PPP6R3: variants seen among roughly 807,000 people sequenced by gnomAD.
PPP6R3 encodes the protein protein phosphatase 6 regulatory subunit 3, also known as serine/threonine-protein phosphatase 6 regulatory subunit 3.
Under a neutral mutation model 110.7 loss-of-function variants are expected in PPP6R3, and 38 were observed. The ratio of observed to expected loss-of-function variants is 0.34; its 90% CI spans 0.26 to 0.45. The LOEUF is 0.45. Ranked by LOEUF, PPP6R3 falls within the 20% of genes least tolerant of loss-of-function variation. PPP6R3 has a pLI of 1.00. For synonymous variants in PPP6R3, 369 were observed against 373.5 expected (o/e 0.99, Z 0.14); for missense variants, 870 against 1,062.4 (o/e 0.82, Z 2.52).
At chr11:68,603,692 T>C (rs116724579) in intron 22 of PPP6R3, among the ~76,000 whole-genome samples, 200 bp downstream of exon 22, 102 of 152,348 alleles carry the variant, frequency 6.7e-4, no homozygotes, top group African/African-American at 2.4e-3. Flanking sequence ...TTTTCCCCCA[T>C]AAATGTGTTC....
chr11:68,606,355 A>T (rs1939862956), intron 22 of PPP6R3, among the ~76,000 whole-genome samples: 1 of 137,624 alleles, frequency 7.3e-6, no homozygotes, highest in South Asian at 2.3e-4. Flanking sequence ...GAGTGCAGTG[A>T]TGTGGATCTC....
intron 22 of PPP6R3, among the ~76,000 whole-genome samples, chr11:68,609,092 T>C (rs761701946): frequency 6.6e-6 from 1 of 152,138 alleles, no homozygotes; most frequent in Non-Finnish European, 1.5e-5. Flanking sequence ...GCCATTGTGA[T>C]TATGTAAAAA....
chr11:68,602,690 C>T (rs138579910), intron 21 of PPP6R3, among the ~76,000 whole-genome samples: 72 of 152,310 alleles, frequency 4.7e-4, no homozygotes, highest in Non-Finnish European at 8.2e-4. Flanking sequence ...GTTTCATCAT[C>T]CTCCTGAACA....
At chr11:68,553,210 C>G (rs2099387534) in intron 6 of PPP6R3, among the ~76,000 whole-genome samples, 1 of 151,600 alleles carries the variant, frequency 6.6e-6, no homozygotes, top group South Asian at 2.1e-4. Context: ...GATTTTAGAG[C>G]TTTTCTGTAA....
intron 1 of PPP6R3, among the ~76,000 whole-genome samples, chr11:68,479,132 TAC>T (rs1353549005): frequency 1.3e-5 from 2 of 152,232 alleles, no homozygotes; most frequent in African/African-American, 4.8e-5. Context: ...ATCATATTCT[TAC>T]GATTATTCAC....
intron 1 of PPP6R3, among the ~76,000 whole-genome samples, chr11:68,485,492 A>G (rs186917558): frequency 5.7e-4 from 87 of 152,290 alleles, no homozygotes; most frequent in African/African-American, 2.0e-3. Context: ...ATTTCTGACC[A>G]TCAATTATGA....
intron 1 of PPP6R3, among the ~76,000 whole-genome samples, chr11:68,482,716 T>C (rs920092675): frequency 2.0e-5 from 3 of 152,144 alleles, no homozygotes; most frequent in Non-Finnish European, 2.9e-5. Context: ...AAAAAAATTA[T>C]AGAGAAGGCT....
chr11:68,490,664 T>C (rs1306844426), intron 1 of PPP6R3, among the ~76,000 whole-genome samples: 1 of 152,152 alleles, frequency 6.6e-6, no homozygotes, highest in Non-Finnish European at 1.5e-5. Flanking sequence ...TCTTTCCTTT[T>C]CAGTTACGGA....
At chr11:68,476,004 T>A (rs1216126574) in intron 1 of PPP6R3, among the ~76,000 whole-genome samples, 1 of 134,222 alleles carries the variant, frequency 7.5e-6, no homozygotes, top group Non-Finnish European at 1.6e-5. Flanking sequence ...GAGGGGCTCT[T>A]CTCATCCCAG....
chr11:68,515,666 T>C (rs2099132946), intron 1 of PPP6R3, among the ~76,000 whole-genome samples: 1 of 152,194 alleles, frequency 6.6e-6, no homozygotes, highest in Non-Finnish European at 1.5e-5. Context: ...AACATGGCCT[T>C]TCCTTGGGTT....
intron 1 of PPP6R3, among the ~76,000 whole-genome samples, chr11:68,461,366 G>A (rs552911004): frequency 1.3e-5 from 2 of 151,956 alleles, no homozygotes; most frequent in Non-Finnish European, 2.9e-5. Flanking sequence ...ATTCGCCGCA[G>A]AGTCATCGGG....
intron 8 of PPP6R3, among the ~76,000 whole-genome samples, chr11:68,562,330 G>T (rs1057010445): frequency 2.6e-5 from 4 of 152,174 alleles, no homozygotes; most frequent in Non-Finnish European, 5.9e-5. Flanking sequence ...TCTGTTCATG[G>T]ATTAGAAGAC....
intron 1 of PPP6R3, among the ~76,000 whole-genome samples, chr11:68,518,973 C>A (rs1202067710): frequency 6.6e-6 from 1 of 152,146 alleles, no homozygotes; most frequent in Admixed American, 6.5e-5. Flanking sequence ...AAGATAATTT[C>A]TATTCTTTTC....
At chr11:68,520,466 T>A (rs2099158621) in intron 2 of PPP6R3, among the ~76,000 whole-genome samples, 1 of 152,220 alleles carries the variant, frequency 6.6e-6, no homozygotes, top group Admixed American at 6.5e-5. Flanking sequence ...GATACTATGG[T>A]GGTTTTGCTG....
At chr11:68,532,666 T>G (rs1016342422) in intron 2 of PPP6R3, among the ~76,000 whole-genome samples, 2 of 152,228 alleles carry the variant, frequency 1.3e-5, no homozygotes, top group Non-Finnish European at 1.5e-5. Flanking sequence ...TGTTACCTAA[T>G]GACTGATATG....
chr11:68,476,324 G>A (rs973398786), intron 1 of PPP6R3, among the ~76,000 whole-genome samples: 2 of 152,256 alleles, frequency 1.3e-5, no homozygotes, highest in East Asian at 1.9e-4. Flanking sequence ...CCAGTCAGGC[G>A]TGGCGGCGCA....
At chr11:68,527,114 A>G (rs1293886285) in intron 2 of PPP6R3, among the ~76,000 whole-genome samples, 3 of 152,214 alleles carry the variant, frequency 2.0e-5, no homozygotes, top group Non-Finnish European at 2.9e-5. Context: ...ATAAATTTGT[A>G]TCATTTGACA....
At chr11:68,512,608 G>A (rs1168690070) in intron 1 of PPP6R3, among the ~76,000 whole-genome samples, 1 of 152,176 alleles carries the variant, frequency 6.6e-6, no homozygotes, top group Non-Finnish European at 1.5e-5. Flanking sequence ...ATTAAGTATG[G>A]TTTAAGGAGA....
intron 18 of PPP6R3, among the ~76,000 whole-genome samples, chr11:68,594,496 T>C (rs904761969): frequency 2.0e-5 from 3 of 152,110 alleles, no homozygotes; most frequent in East Asian, 3.8e-4. Flanking sequence ...ATCTCTATTT[T>C]TTTAAAAAAA....
Sources: allele counts gnomAD v4.1 joint callset (sites outside exome capture counted in the v4.1 genomes callset), GRCh38; gene constraint gnomAD v4.1.1; transcripts MANE v1.5; gene names NCBI Gene and HGNC (gene_info 2026-07-23, HGNC 2026-07-21).